Variants in ST6GALNAC3 observed in about 807,000 individuals in gnomAD.
ST6GALNAC3 encodes the protein alpha-N-acetylgalactosaminide alpha-2,6-sialyltransferase 3.
In ST6GALNAC3, 25 loss-of-function variants were observed where a neutral mutation model predicts 32.7. The observed-to-expected ratio is 0.76, with a 90% CI of 0.56 to 1.07. The LOEUF is 1.07. ST6GALNAC3 is among the 50% of genes least tolerant of loss of function. ST6GALNAC3 has a pLI of 0.00. For missense variants in ST6GALNAC3, 355 were observed against 382.4 expected (o/e 0.93, Z 0.60); for synonymous variants, 129 against 133.1 (o/e 0.97, Z 0.21).
chr1:76,412,024 G>A lies in ST6GALNAC3; in HGVS notation c.230G>A (p.Cys77Tyr). The A allele has an allele frequency of 6.2e-7, 1 of 1,613,214 alleles. No individual in the cohort carries two copies. Among genetic ancestry groups the A allele is most frequent in the East Asian group, 2.2e-5 (1 of 44,852 alleles). ...VKTQEPLQLDCDLCAIVSNSG... is the reference protein window; with the variant it reads ...VKTQEPLQLDYDLCAIVSNSG... Reference sequence around the variant, plus strand: ...ATTTTTCAGCCTTTGCAACTGGACTGTGACCTTTGTGCCATAGTGTCAAAC... The same window carrying A: ...ATTTTTCAGCCTTTGCAACTGGACTATGACCTTTGTGCCATAGTGTCAAAC... Residue 77 changes from cysteine (C) to tyrosine (Y), a missense_variant, in exon 3 of 5, where the codon TGT becomes TAT. Physicochemically the swap from Cys to Tyr is radical, Grantham distance 194. Coordinates refer to ENST00000328299, the MANE Select transcript of ST6GALNAC3 (RefSeq NM_152996.4).
At chr1:76,442,800 T>C (rs557042742) in intron 3 of ST6GALNAC3, among the ~76,000 whole-genome samples, 21 of 152,248 alleles carry the variant, frequency 1.4e-4, no homozygotes, top group African/African-American at 4.8e-4. Flanking sequence ...CCAATCATAA[T>C]ATGTATTTTG....
chr1:76,378,667 C>CA (rs1392837429), intron 2 of ST6GALNAC3, among the ~76,000 whole-genome samples: 252 of 101,984 alleles, frequency 2.5e-3, no homozygotes, highest in Admixed American at 7.2e-3. Context: ...CTTCCCCCCC[C>CA]CAAAAAAAAA....
chr1:76,221,929 A>G (rs954510030), intron 1 of ST6GALNAC3, among the ~76,000 whole-genome samples: 1 of 152,088 alleles, frequency 6.6e-6, no homozygotes, highest in Non-Finnish European at 1.5e-5. Flanking sequence ...GTGAGCTTTG[A>G]TTGTGTTGAA....
intron 2 of ST6GALNAC3, among the ~76,000 whole-genome samples, chr1:76,389,447 CA>C (rs1181854138): frequency 6.6e-6 from 1 of 152,128 alleles, no homozygotes; most frequent in African/African-American, 2.4e-5. Context: ...AGTAGTGAAG[CA>C]GTTTCCTCCA....
intron 2 of ST6GALNAC3, among the ~76,000 whole-genome samples, chr1:76,395,273 G>A (rs777164295): frequency 4.6e-5 from 7 of 152,064 alleles, no homozygotes; most frequent in Admixed American, 2.6e-4. Flanking sequence ...AGCCAGTTTC[G>A]AAAACAGGAG....
intron 1 of ST6GALNAC3, among the ~76,000 whole-genome samples, chr1:76,100,077 G>A (rs897969795): frequency 2.0e-5 from 3 of 151,896 alleles, no homozygotes; most frequent in Non-Finnish European, 4.4e-5. Flanking sequence ...TAAACATGTA[G>A]TTAGTTTTTA....
chr1:76,221,258 C>A (rs1388987888), intron 1 of ST6GALNAC3, among the ~76,000 whole-genome samples: 1 of 152,132 alleles, frequency 6.6e-6, no homozygotes, highest in Non-Finnish European at 1.5e-5. Flanking sequence ...TCCTAAGAAA[C>A]CTTAATACTA....
chr1:76,571,989 T>A (rs1557586426), intron 3 of ST6GALNAC3, among the ~76,000 whole-genome samples: 1 of 152,130 alleles, frequency 6.6e-6, no homozygotes, highest in Non-Finnish European at 1.5e-5. Context: ...CATCACTTTG[T>A]ATCTTCTAGC....
chr1:76,594,381 T>G (rs1230925288), intron 3 of ST6GALNAC3, among the ~76,000 whole-genome samples: 1 of 152,218 alleles, frequency 6.6e-6, no homozygotes, highest in Non-Finnish European at 1.5e-5. Context: ...TAGCCTGCTC[T>G]TAGAAACATG....
intron 3 of ST6GALNAC3, among the ~76,000 whole-genome samples, chr1:76,433,110 GAC>G (rs1302607532): frequency 6.6e-6 from 1 of 151,932 alleles, no homozygotes; most frequent in Admixed American, 6.6e-5. Flanking sequence ...TCTTGCCTCT[GAC>G]ACACTTTTTA....
chr1:76,605,197 G>A (rs1166837532), intron 3 of ST6GALNAC3, among the ~76,000 whole-genome samples: 2 of 152,184 alleles, frequency 1.3e-5, no homozygotes, highest in African/African-American at 2.4e-5. Flanking sequence ...AGAAAAGGAA[G>A]TGACCATCAG....
At chr1:76,176,360 C>A (rs1392919595) in intron 1 of ST6GALNAC3, among the ~76,000 whole-genome samples, 3 of 152,162 alleles carry the variant, frequency 2.0e-5, no homozygotes, top group Non-Finnish European at 4.4e-5. Flanking sequence ...GCTGGAAGGT[C>A]ACAGCACTGT....
intron 1 of ST6GALNAC3, among the ~76,000 whole-genome samples, chr1:76,251,417 G>T (rs1256695415): frequency 6.6e-6 from 1 of 152,084 alleles, no homozygotes; most frequent in East Asian, 1.9e-4. Flanking sequence ...GGAGAATAAG[G>T]TCGAAATCTT....
At chr1:76,268,450 C>T (rs1658658628) in intron 1 of ST6GALNAC3, among the ~76,000 whole-genome samples, 1 of 152,168 alleles carries the variant, frequency 6.6e-6, no homozygotes, top group Admixed American at 6.5e-5. Context: ...ATGTGTGGGA[C>T]CTTTCCTTTC....
chr1:76,479,848 T>C (rs896881708), intron 3 of ST6GALNAC3, among the ~76,000 whole-genome samples: 1 of 151,668 alleles, frequency 6.6e-6, no homozygotes, highest in African/African-American at 2.4e-5. Flanking sequence ...AATTTACATT[T>C]AAAAAAAGTA....
At chr1:76,306,754 T>C (rs191712646) in intron 1 of ST6GALNAC3, among the ~76,000 whole-genome samples, 12 of 151,838 alleles carry the variant, frequency 7.9e-5, no homozygotes, top group African/African-American at 2.9e-4. Flanking sequence ...GATGACATGA[T>C]AAGAGGTTAC....
intron 4 of ST6GALNAC3, among the ~76,000 whole-genome samples, chr1:76,628,262 A>G (rs568353037): frequency 5.3e-5 from 8 of 152,072 alleles, no homozygotes; most frequent in Admixed American, 5.2e-4. Flanking sequence ...CTATAAGCAT[A>G]ATGGAGCTCA....
In ST6GALNAC3 at chr1:76,368,228, C is replaced by G. The variant is rs146508022; in HGVS notation, c.214-43780C>G. Among the ~76,000 whole-genome samples the G allele has an allele frequency of 1.3e-3, 198 of 152,252 alleles. 3 individuals carry two copies. Among genetic ancestry groups the G allele is most frequent in the African/African-American group, 4.4e-3 (183 of 41,536 alleles). On this transcript the variant is annotated intron_variant, in intron 2 of 4. Coordinates refer to ENST00000328299, the MANE Select transcript of ST6GALNAC3 (RefSeq NM_152996.4). The stretch of plus-strand genomic sequence containing the variant: ...CACAAAACCATCTATAGGCAATAGA[C>G]AAATGAATGAATGTGGCTGTGTTTC...
intron 1 of ST6GALNAC3, among the ~76,000 whole-genome samples, chr1:76,149,996 G>T (rs1479081685): frequency 1.3e-5 from 2 of 152,230 alleles, no homozygotes; most frequent in African/African-American, 4.8e-5. Flanking sequence ...GGGACATGGT[G>T]GTGGAAAGAG....
Sources: gnomAD v4.1 joint callset for allele counts (sites outside exome capture counted in the v4.1 genomes callset) on GRCh38, gnomAD v4.1.1 for gene constraint, MANE v1.5 for transcripts, NCBI Gene and HGNC (gene_info 2026-07-23, HGNC 2026-07-21) for gene names.